The following SMAD3 variants were observed in gnomAD, a reference collection of about 807,000 sequenced individuals.
SMAD3 encodes MAD homolog 3.
In SMAD3, 12 loss-of-function variants were observed where a neutral mutation model predicts 51.8. The observed-to-expected ratio is 0.23, with a 90% CI of 0.15 to 0.38. SMAD3 has a LOEUF of 0.38. Ranked by LOEUF, SMAD3 falls within the 10% of genes least tolerant of loss-of-function variation. SMAD3 has a pLI of 1.00. For missense variants in SMAD3, 294 were observed against 565.6 expected (o/e 0.52, Z 4.87); for synonymous variants, 238 against 227.7 (o/e 1.05, Z -0.41).
chr15:67,151,380 T>C (rs1357563885), intron 1 of SMAD3, among the ~76,000 whole-genome samples: 2 of 152,082 alleles, frequency 1.3e-5, no homozygotes, highest in African/African-American at 4.8e-5. Flanking sequence ...TTGCCCAGGC[T>C]GGAGTGCAGT....
At chr15:67,124,811 G>A (rs774216360) in intron 1 of SMAD3, among the ~76,000 whole-genome samples, 5 of 152,234 alleles carry the variant, frequency 3.3e-5, no homozygotes, top group Non-Finnish European at 5.9e-5. Context: ...GTGGCACAGG[G>A]CAGCCGGGGA....
chr15:67,150,078 A>G (rs562124898), intron 1 of SMAD3, among the ~76,000 whole-genome samples: 1 of 152,256 alleles, frequency 6.6e-6, no homozygotes, highest in South Asian at 2.1e-4. Flanking sequence ...TAAGACTGAG[A>G]TGGTTGTAAA....
At chr15:67,186,662 T>G (rs1963230066) in intron 7 of SMAD3, 1 of 158,052 alleles carries the variant, frequency 6.3e-6, no homozygotes, top group African/African-American at 2.4e-5. Context: ...TATTTGTGAC[T>G]GTCTTTAGTT....
chr15:67,070,939 C>T (rs139470253), intron 1 of SMAD3, among the ~76,000 whole-genome samples: 3 of 152,058 alleles, frequency 2.0e-5, no homozygotes, highest in Admixed American at 1.3e-4. Context: ...AGGTATGTTA[C>T]GTTTATACTT....
At chr15:67,163,137 C>A (rs962716691) in intron 1 of SMAD3, among the ~76,000 whole-genome samples, 16 of 152,078 alleles carry the variant, frequency 1.1e-4, no homozygotes, top group African/African-American at 3.6e-4. Flanking sequence ...CCATGCCTGG[C>A]TGATTTTTGT....
chr15:67,129,192 GAACT>G (rs1301768222), intron 1 of SMAD3, among the ~76,000 whole-genome samples: 1 of 152,188 alleles, frequency 6.6e-6, no homozygotes, highest in Non-Finnish European at 1.5e-5. Context: ...CATAAAGCAG[GAACT>G]AACAGGACTC....
intron 1 of SMAD3, among the ~76,000 whole-genome samples, chr15:67,119,965 T>A (rs1961222568): frequency 6.6e-6 from 1 of 152,088 alleles, no homozygotes; most frequent in Non-Finnish European, 1.5e-5. Context: ...CCTGGCTATT[T>A]TTTGTATATT....
intron 1 of SMAD3, among the ~76,000 whole-genome samples, chr15:67,149,308 A>C (rs1017034419): frequency 1.3e-5 from 2 of 152,070 alleles, no homozygotes; most frequent in African/African-American, 4.8e-5. Context: ...CCTGTCTAGG[A>C]AGTGGGGGTG....
chr15:67,178,319 G>A (rs1304332472), intron 5 of SMAD3, among the ~76,000 whole-genome samples: 1 of 152,312 alleles, frequency 6.6e-6, no homozygotes, highest in Admixed American at 6.5e-5. Context: ...GTTCCTGGGA[G>A]CCTAGCTCTT....
rs777329823 is a variant in SMAD3, at chr15:67,170,549, C to T, written c.608-5C>T. 5.0e-6 allele frequency: 8 copies of T among 1,613,110 alleles called. No individual in the cohort carries two copies. The highest frequency in any genetic ancestry group is 2.2e-5 in the East Asian group (1 of 44,890). On this transcript the variant is annotated splice_region_variant and splice_polypyrimidine_tract_variant and intron_variant, in intron 4 of 8. Coordinates refer to ENST00000327367, the MANE Select transcript of SMAD3 (RefSeq NM_005902.4). ...TGAAGTCTCACAACTTGTCTCACCT[C>T]GCAGGTTCTCCAAACCTATCCCCGA...
rs940556804 is a variant in SMAD3, at chr15:67,187,632, G to A, written c.1154+123G>A. ...TAGCGTCAAGAGCAGAAAGACCAAA[G>A]ATCAGAGAGAGGCCAAGGCCTGGCA... On this transcript the variant is annotated intron_variant, in intron 8 of 8. Transcript: ENST00000327367. 3.9e-6 allele frequency: 5 copies of A among 1,285,188 alleles called. No homozygotes were observed. In the African/African-American group the frequency reaches 7.3e-5, roughly 19 times the overall value. The allele number at this position is 1,285,188 out of a possible 1,614,324, so 79.6% of individuals were successfully genotyped here. A position where few individuals can be genotyped will look rare whatever the true frequency, so the allele number is the denominator to read the frequency against.
chr15:67,129,993 A>G (rs1956045937), intron 1 of SMAD3, among the ~76,000 whole-genome samples: 1 of 152,180 alleles, frequency 6.6e-6, no homozygotes, highest in Admixed American at 6.5e-5. Context: ...CATTGAGCTC[A>G]CTGGCTGAGT....
intron 4 of SMAD3, among the ~76,000 whole-genome samples, chr15:67,167,111 C>G (rs1471630179): frequency 6.6e-6 from 1 of 152,160 alleles, no homozygotes; most frequent in Non-Finnish European, 1.5e-5. Context: ...CCGCATGGCA[C>G]CAGGCACACA....
intron 1 of SMAD3, among the ~76,000 whole-genome samples, chr15:67,114,609 GGT>G (rs547862130): frequency 2.0e-4 from 31 of 152,246 alleles, no homozygotes; most frequent in Middle Eastern, 3.4e-3. Flanking sequence ...GGAGGTTCAG[GGT>G]GCGTTACCTG....
chr15:67,190,998 T>C lies in SMAD3; in HGVS notation c.*462T>C. ...ACCTCATGCCCAGCTCTCTGACGCT[T>C]GTGACAGTGCCTCTTCCAGTGAACA... On this transcript the variant is annotated 3_prime_UTR_variant, in exon 9 of 9. Coordinates refer to ENST00000327367, the MANE Select transcript of SMAD3 (RefSeq NM_005902.4). 4.1e-6 allele frequency: 1 copy of C among 244,358 alleles called. No homozygotes were observed. Among genetic ancestry groups the C allele is most frequent in the Non-Finnish European group, 8.0e-6 (1 of 124,238 alleles). The allele number at this position is 244,358 out of a possible 1,614,324, so 15.1% of individuals were successfully genotyped here.
chr15:67,098,346 G>GA (rs1595897315), intron 1 of SMAD3, among the ~76,000 whole-genome samples: 1 of 44,858 alleles, frequency 2.2e-5, no homozygotes, highest in African/African-American at 9.3e-5. Context: ...GAGGGAGGGA[G>GA]GGAGAGAGCG....
At position 67,193,625 on chromosome 15, in the gene SMAD3, T is replaced by G. The variant is rs1035999019; in HGVS notation, c.*3089T>G. 1.3e-4 allele frequency: 30 copies of G among 233,218 alleles called. No individual in the cohort carries two copies. Among genetic ancestry groups the G allele is most frequent in the Admixed American group, 2.3e-4 (4 of 17,748 alleles). 14.4% of individuals were successfully genotyped at this position (233,218 alleles called of 1,614,324 possible). ...AGTCAGGAGCAGGGACTTTGACTCT[T>G]AGGAAGAGCACACATGAGGGCAAGG... On this transcript the variant is annotated 3_prime_UTR_variant, in exon 9 of 9. Transcript: ENST00000327367.
intron 8 of SMAD3, 151 bp from the exon 9 acceptor site, chr15:67,190,262 T>C (rs1270718314): frequency 1.1e-5 from 8 of 708,690 alleles, no homozygotes; most frequent in Non-Finnish European, 1.9e-5. Context: ...CCGGGTAGTT[T>C]CAGCAAGTTA....
chr15:67,138,947 C>T (rs983222637), intron 1 of SMAD3, among the ~76,000 whole-genome samples: 34 of 152,154 alleles, frequency 2.2e-4, no homozygotes, highest in African/African-American at 5.3e-4. Flanking sequence ...GAACTGTAGC[C>T]GATTCCCAGC....
Sources: gnomAD v4.1 joint callset for allele counts (sites outside exome capture counted in the v4.1 genomes callset) on GRCh38, gnomAD v4.1.1 for gene constraint, MANE v1.5 for transcripts, NCBI Gene and HGNC (gene_info 2026-07-23, HGNC 2026-07-21) for gene names.